Variants in CGNL1 observed in about 807,000 individuals in gnomAD.
The protein encoded by CGNL1 is cingulin like 1.
CGNL1 carries 132 observed loss-of-function variants against 141.2 expected under a neutral mutation model. The ratio of observed to expected loss-of-function variants is 0.93; its 90% CI spans 0.81 to 1.08. The LOEUF is 1.08. CGNL1 is among the 50% of genes least tolerant of loss of function. The probability of loss-of-function intolerance (pLI) is 0.00; values close to 1 mark genes in which losing one functional copy is unlikely to be tolerated. For missense variants in CGNL1, 1,870 were observed against 1,588.6 expected (o/e 1.18, Z -3.01); for synonymous variants, 690 against 622.1 (o/e 1.11, Z -1.63).
intron 1 of CGNL1, among the ~76,000 whole-genome samples, chr15:57,410,738 A>G (rs1305885746): frequency 2.0e-5 from 3 of 152,184 alleles, no homozygotes; most frequent in Non-Finnish European, 4.4e-5. Flanking sequence ...TTGCCTCTTA[A>G]TTTTCTCATG....
At chr15:57,457,249 T>A (rs1042584302) in intron 7 of CGNL1, among the ~76,000 whole-genome samples, 1 of 152,170 alleles carries the variant, frequency 6.6e-6, no homozygotes, top group Non-Finnish European at 1.5e-5. Context: ...ACAGGTGGTG[T>A]GTGAAGTAGA....
chr15:57,413,299 G>T (rs762623142), intron 1 of CGNL1, among the ~76,000 whole-genome samples: 4 of 130,656 alleles, frequency 3.1e-5, no homozygotes, highest in African/African-American at 5.7e-5. Context: ...TTGAGACAGG[G>T]TCTTGCTCTG....
intron 8 of CGNL1, among the ~76,000 whole-genome samples, chr15:57,477,221 G>C (rs1009551858): frequency 6.6e-6 from 1 of 152,146 alleles, no homozygotes; most frequent in African/African-American, 2.4e-5. Flanking sequence ...TCCAGAGAAG[G>C]TGGCATTAGA....
intron 8 of CGNL1, among the ~76,000 whole-genome samples, chr15:57,507,599 A>G (rs1405320408): frequency 6.6e-5 from 10 of 152,198 alleles, no homozygotes; most frequent in Admixed American, 5.9e-4. Flanking sequence ...GGGCAACAGA[A>G]ATACAGGATG....
At chr15:57,497,869 A>G (rs1459899883) in intron 8 of CGNL1, among the ~76,000 whole-genome samples, 1 of 152,206 alleles carries the variant, frequency 6.6e-6, no homozygotes, top group Admixed American at 6.5e-5. Flanking sequence ...TTTCTTTCTC[A>G]CATTAGTGGG....
Position 57,543,776 on chromosome 15 carries a change from G to A in CGNL1, c.3372G>A (p.Arg1124=). 3 of 1,613,262 alleles carry A rather than the reference G, an allele frequency of 1.9e-6. No individual in the cohort carries two copies. Among genetic ancestry groups the A allele is most frequent in the South Asian group, 2.2e-5 (2 of 91,050 alleles). Residue 1124 remains arginine (R), a synonymous_variant, in exon 15 of 19, where the codon AGG becomes AGA. Coordinates refer to ENST00000281282, the MANE Select transcript of CGNL1 (RefSeq NM_032866.5). Reference sequence around the variant, plus strand: ...AGTGCGACAAGATTTCCCTGGAGAGGCAGGTGAGGGCAGCCAGCCTGTGAG... The same window carrying A: ...AGTGCGACAAGATTTCCCTGGAGAGACAGGTGAGGGCAGCCAGCCTGTGAG... The part of the protein sequence containing the change: ...DLECDKISLE[R]QNKDLKSRII...
chr15:57,377,535 T>G (rs1222902984), intron 1 of CGNL1, among the ~76,000 whole-genome samples: 2 of 152,188 alleles, frequency 1.3e-5, no homozygotes, highest in Non-Finnish European at 2.9e-5. Flanking sequence ...TCAAGATCAG[T>G]CCTGATCTAG....
intron 8 of CGNL1, among the ~76,000 whole-genome samples, chr15:57,489,282 AGTT>A (rs1341237468): frequency 1.3e-5 from 2 of 152,218 alleles, no homozygotes; most frequent in African/African-American, 4.8e-5. Context: ...AGGAAAGATG[AGTT>A]GTTGTTCCTG....
chr15:57,432,628 G>GC (rs1333839404), intron 1 of CGNL1, among the ~76,000 whole-genome samples: 1 of 152,226 alleles, frequency 6.6e-6, no homozygotes, highest in Non-Finnish European at 1.5e-5. Flanking sequence ...GACGGCGCAA[G>GC]CGTGTCTGTG....
chr15:57,505,943 G>A (rs925351345), intron 8 of CGNL1, among the ~76,000 whole-genome samples: 1 of 152,184 alleles, frequency 6.6e-6, no homozygotes, highest in Non-Finnish European at 1.5e-5. Context: ...GAAAGTTGAA[G>A]GATCCGTTTT....
At chr15:57,528,383 G>A (rs1194464675) in intron 12 of CGNL1, among the ~76,000 whole-genome samples, 1 of 151,956 alleles carries the variant, frequency 6.6e-6, no homozygotes, top group Non-Finnish European at 1.5e-5. Context: ...ATTTTTTTCT[G>A]TTCTATTTAA....
intron 1 of CGNL1, among the ~76,000 whole-genome samples, chr15:57,383,101 A>T (rs2062440980): frequency 6.6e-6 from 1 of 152,136 alleles, no homozygotes; most frequent in Non-Finnish European, 1.5e-5. Flanking sequence ...TGAAAAGTTG[A>T]TTAGCCTCCG....
intron 1 of CGNL1, among the ~76,000 whole-genome samples, chr15:57,408,704 G>T (rs777431043): frequency 6.6e-6 from 1 of 151,982 alleles, no homozygotes; most frequent in South Asian, 2.1e-4. Context: ...GAGCATAGGG[G>T]TTCGTAGACG....
intron 8 of CGNL1, among the ~76,000 whole-genome samples, chr15:57,481,887 A>G (rs1464990335): frequency 1.3e-5 from 2 of 152,212 alleles, no homozygotes; most frequent in East Asian, 3.8e-4. Flanking sequence ...ACAGCAATGT[A>G]TGAGTGACCC....
chr15:57,536,287 A>G (rs1423467963), intron 14 of CGNL1, among the ~76,000 whole-genome samples: 2 of 152,338 alleles, frequency 1.3e-5, no homozygotes, highest in East Asian at 3.9e-4. Context: ...TATGGGAGCT[A>G]TAATTCAAGA....
chr15:57,429,646 T>C (rs1321546909), intron 1 of CGNL1, among the ~76,000 whole-genome samples: 2 of 152,260 alleles, frequency 1.3e-5, no homozygotes, highest in East Asian at 1.9e-4. Context: ...CTTAGCCCTC[T>C]GGCTTCTTCA....
At chr15:57,414,315 A>G (rs776270492) in intron 1 of CGNL1, among the ~76,000 whole-genome samples, 1 of 152,220 alleles carries the variant, frequency 6.6e-6, no homozygotes, top group Non-Finnish European at 1.5e-5. Context: ...AGGGAATCTA[A>G]TGTCAGCCCC....
chr15:57,419,698 CA>C (rs1298444768), intron 1 of CGNL1, among the ~76,000 whole-genome samples: 1 of 152,202 alleles, frequency 6.6e-6, no homozygotes, highest in Non-Finnish European at 1.5e-5. Flanking sequence ...GACATATCAA[CA>C]TGATTTATCA....
chr15:57,448,810 TGC>T (rs1300695522), intron 4 of CGNL1, among the ~76,000 whole-genome samples: 2 of 152,198 alleles, frequency 1.3e-5, no homozygotes, highest in African/African-American at 4.8e-5. Context: ...CCTACTTCTT[TGC>T]ATGTCTAAGG....
Sources: gnomAD v4.1 joint callset for allele counts (sites outside exome capture counted in the v4.1 genomes callset) on GRCh38, gnomAD v4.1.1 for gene constraint, MANE v1.5 for transcripts, NCBI Gene and HGNC (gene_info 2026-07-23, HGNC 2026-07-21) for gene names.